The following GLP1R variants were observed in gnomAD, a reference collection of about 807,000 sequenced individuals.
GLP1R encodes the protein glucagon like peptide 1 receptor, also known as glucagon-like peptide 1 receptor.
In GLP1R, 32 loss-of-function variants were observed where a neutral mutation model predicts 68.4. That is an observed-to-expected ratio of 0.47 (90% confidence interval 0.35 to 0.63). The LOEUF is 0.63. GLP1R is among the 20% of genes least tolerant of loss of function. GLP1R has a pLI of 0.00. For synonymous variants in GLP1R, 263 were observed against 244.4 expected (o/e 1.08, Z -0.71); for missense variants, 502 against 594.9 (o/e 0.84, Z 1.62).
At position 39,073,029 on chromosome 6, in the gene GLP1R, C is replaced by T. The variant is rs775481830; in HGVS notation, c.663+14C>T. The T allele has an allele frequency of 2.6e-5, 42 of 1,611,790 alleles. No homozygotes were observed. The East Asian group carries it at 6.9e-4, about 27-fold the overall frequency. The stretch of plus-strand genomic sequence containing the variant: ...CTCTCCTACCAGGTGTGTGGTGCAT[C>T]CAGGACCGCCTCAGGAGGGATGGGC... On this transcript the variant is annotated intron_variant, in intron 6 of 12. Transcript: ENST00000373256.
At chr6:39,075,902 A>G (rs975708815) in intron 7 of GLP1R, among the ~76,000 whole-genome samples, 2 of 152,198 alleles carry the variant, frequency 1.3e-5, no homozygotes, top group Non-Finnish European at 2.9e-5. Flanking sequence ...TGAGGGAATC[A>G]TTACTTCCTG....
intron 1 of GLP1R, among the ~76,000 whole-genome samples, chr6:39,051,041 T>C (rs1768075351): frequency 6.6e-6 from 1 of 152,100 alleles, no homozygotes; most frequent in Non-Finnish European, 1.5e-5. Flanking sequence ...TACTCTTTCA[T>C]TGCTGCTGGG....
chr6:39,073,612 C>A lies in GLP1R; in HGVS notation c.666C>A (p.Asp222Glu). 6.2e-7 allele frequency: 1 copy of A among 1,613,696 alleles called. No individual in the cohort carries two copies. The highest frequency in any genetic ancestry group is 8.5e-7 in the Non-Finnish European group (1 of 1,179,762). ...HQWDGLLSYQ[D>E]SLSCRLVFLL... ...TGACACCCTTCCTCTACCCCCAGGACTCTCTGAGCTGCCGCCTGGTGTTTC... is the reference window on the plus strand; with the variant it reads ...TGACACCCTTCCTCTACCCCCAGGAATCTCTGAGCTGCCGCCTGGTGTTTC... The change falls in exon 7 of 13, where the codon GAC becomes GAA. Residue 222 changes from aspartate (D) to glutamate (E), a missense_variant and splice_region_variant. Physicochemically the swap from Asp to Glu is conservative, Grantham distance 45 (BLOSUM62 2). Transcript: ENST00000373256.
At chr6:39,080,113 G>GAA (rs1255343126) in intron 11 of GLP1R, among the ~76,000 whole-genome samples, 1 of 152,168 alleles carries the variant, frequency 6.6e-6, no homozygotes, top group Non-Finnish European at 1.5e-5. Flanking sequence ...CAGTTTCAAA[G>GAA]AAAAGAACTG....
intron 7 of GLP1R, among the ~76,000 whole-genome samples, chr6:39,076,229 CCAGA>C (rs1452043333): frequency 3.3e-5 from 5 of 152,096 alleles, no homozygotes; most frequent in African/African-American, 4.8e-5. Flanking sequence ...ATGCTCTTGC[CCAGA>C]CAATGTTCCT....
At chr6:39,070,860 C>T (rs1768641149) in intron 5 of GLP1R, among the ~76,000 whole-genome samples, 1 of 151,674 alleles carries the variant, frequency 6.6e-6, no homozygotes, top group African/African-American at 2.4e-5. Context: ...TAGTCTGTGG[C>T]TTATTTTTTC....
chr6:39,063,214 A>C (rs1262615456), intron 3 of GLP1R, among the ~76,000 whole-genome samples: 1 of 152,146 alleles, frequency 6.6e-6, no homozygotes, highest in Non-Finnish European at 1.5e-5. Context: ...CTCATTCCGC[A>C]TGGAGTCAGC....
Position 39,079,766 on chromosome 6 carries a change from C to T in GLP1R, c.1182+64C>T. On this transcript the variant is annotated intron_variant, in intron 11 of 12. Coordinates refer to ENST00000373256, the MANE Select transcript of GLP1R (RefSeq NM_002062.5). This position sits in a 1 kb window ranked among gnomAD's most constrained non-coding sequence, Gnocchi z 4.5. Reference sequence around the variant, plus strand: ...AGAGTGGGGGTGGGACAGACACCAGCCTGCATCATGCAGATGGAAAAGGTG... The same window carrying T: ...AGAGTGGGGGTGGGACAGACACCAGTCTGCATCATGCAGATGGAAAAGGTG... The T allele has an allele frequency of 7.1e-7, 1 of 1,413,344 alleles. No individual in the cohort carries two copies. Among genetic ancestry groups the T allele is most frequent in the South Asian group, 1.2e-5 (1 of 83,712 alleles). The allele number at this position is 1,413,344 out of a possible 1,614,324, so 87.6% of individuals were successfully genotyped here. A position where few individuals can be genotyped will look rare whatever the true frequency, so the allele number is the denominator to read the frequency against.
chr6:39,065,856 G>A (rs774333383), intron 4 of GLP1R, 27 bp downstream of exon 4: 1 of 1,355,634 alleles, frequency 7.4e-7, no homozygotes, highest in Non-Finnish European at 1.1e-6. Context: ...TTCTGAGCCA[G>A]GGAGCGGGGA....
Position 39,086,163 on chromosome 6 carries a change from A to AGG in GLP1R, c.*92_*93dup. ...GACACTCCCAGGGACAAGGGAAGGA[A>AGG]GGGACACACACACACACACACACAC... On this transcript the variant is annotated 3_prime_UTR_variant, in exon 13 of 13. Transcript: ENST00000373256. This position sits in a 1 kb window ranked among gnomAD's most constrained non-coding sequence, Gnocchi z 4.5. 1 of 763,700 alleles carries AGG rather than the reference A, an allele frequency of 1.3e-6. No individual in the cohort carries two copies. Among genetic ancestry groups the AGG allele is most frequent in the Non-Finnish European group, 2.1e-6 (1 of 467,974 alleles). 47.3% of individuals were successfully genotyped at this position (763,700 alleles called of 1,614,324 possible).
In GLP1R at chr6:39,060,640, C is replaced by G. The variant is rs115058783; in HGVS notation, c.283+3061C>G. ...GGGAGAACACCCAGCCTCTCTCTCCCTCTGCCCTTCCATCTTCTGCCAATG... is the reference window on the plus strand; with the variant it reads ...GGGAGAACACCCAGCCTCTCTCTCCGTCTGCCCTTCCATCTTCTGCCAATG... On this transcript the variant is annotated intron_variant, in intron 3 of 12. Coordinates refer to ENST00000373256, the MANE Select transcript of GLP1R (RefSeq NM_002062.5). Among the ~76,000 whole-genome samples the G allele has an allele frequency of 2.4e-3, 364 of 152,360 alleles. 1 individual carries two copies. Among genetic ancestry groups the G allele is most frequent in the African/African-American group, 8.2e-3 (340 of 41,590 alleles).
chr6:39,071,932 G>A (rs1768679396), intron 5 of GLP1R, among the ~76,000 whole-genome samples: 1 of 152,130 alleles, frequency 6.6e-6, no homozygotes, highest in South Asian at 2.1e-4. Flanking sequence ...CTTCGCTAAT[G>A]ATTTTAAGCA....
intron 1 of GLP1R, among the ~76,000 whole-genome samples, chr6:39,056,070 G>A (rs1306860620): frequency 1.3e-5 from 2 of 152,172 alleles, no homozygotes; most frequent in South Asian, 4.1e-4. Flanking sequence ...TCCTAAGTGA[G>A]ATCAGAGATC....
At chr6:39,052,701 G>C (rs1023655385) in intron 1 of GLP1R, among the ~76,000 whole-genome samples, 3 of 152,168 alleles carry the variant, frequency 2.0e-5, no homozygotes, top group Non-Finnish European at 4.4e-5. Flanking sequence ...AACGCTGCCT[G>C]CTTGTACAGG....
At chr6:39,055,411 A>G (rs1033284123) in intron 1 of GLP1R, among the ~76,000 whole-genome samples, 1 of 152,206 alleles carries the variant, frequency 6.6e-6, no homozygotes, top group African/African-American at 2.4e-5. Context: ...GAAAAAACTA[A>G]AAAGAACGAC....
At position 39,080,866 on chromosome 6, in the gene GLP1R, A is replaced by G. The variant is rs10305498; in HGVS notation, c.1224+127A>G. Reference sequence around the variant, plus strand: ...CCCCTACTCACCTCACTGAGGCACTAGGGTTGAGAAGCCATCTTGTCCACA... The same window carrying G: ...CCCCTACTCACCTCACTGAGGCACTGGGGTTGAGAAGCCATCTTGTCCACA... On this transcript the variant is annotated intron_variant, in intron 12 of 12. Transcript: ENST00000373256. 4.5e-4 allele frequency: 255 copies of G among 570,586 alleles called. 2 individuals carry two copies. In the African/African-American group the frequency reaches 4.7e-3, roughly 10 times the overall value. 35.3% of individuals were successfully genotyped at this position (570,586 alleles called of 1,614,324 possible). A position where few individuals can be genotyped will look rare whatever the true frequency, so the allele number is the denominator to read the frequency against.
chr6:39,068,780 C>G (rs1299585520), intron 5 of GLP1R, among the ~76,000 whole-genome samples: 4 of 152,152 alleles, frequency 2.6e-5, no homozygotes, highest in Non-Finnish European at 5.9e-5. Flanking sequence ...CAATGCCTCA[C>G]AGTGTCCTGG....
rs1321122079 is a variant in GLP1R, at chr6:39,086,188, C to CACACACACACACACAA, written c.*130_*131insAACACACACACACACA. The stretch of plus-strand genomic sequence containing the variant: ...AGGGACACACACACACACACACACA[C>CACACACACACACACAA]ACACACACACACACACATACATCCT... On this transcript the variant is annotated 3_prime_UTR_variant, in exon 13 of 13. Transcript: ENST00000373256. This position sits in a 1 kb window ranked among gnomAD's most constrained non-coding sequence, Gnocchi z 4.5. 9.8e-6 allele frequency: 7 copies of CACACACACACACACAA among 713,118 alleles called. No individual in the cohort carries two copies. In the African/African-American group the frequency reaches 1.2e-4, roughly 13 times the overall value. 44.2% of individuals were successfully genotyped at this position (713,118 alleles called of 1,614,324 possible).
intron 12 of GLP1R, among the ~76,000 whole-genome samples, 170 bp downstream of exon 12, chr6:39,080,909 A>G (rs1666338344): frequency 6.6e-6 from 1 of 152,082 alleles, no homozygotes; most frequent in South Asian, 2.1e-4. Flanking sequence ...TTTTCTGTGC[A>G]TGGTCTCTCT....
Sources: allele counts gnomAD v4.1 joint callset (sites outside exome capture counted in the v4.1 genomes callset), GRCh38; gene constraint gnomAD v4.1.1; non-coding constraint Gnocchi (gnomAD v3.1); transcripts MANE v1.5; gene names NCBI Gene and HGNC (gene_info 2026-07-23, HGNC 2026-07-21).